The following STOX2 variants were observed in gnomAD, a reference collection of about 807,000 sequenced individuals.
The protein encoded by STOX2 is storkhead box 2.
Under a neutral mutation model 60.9 loss-of-function variants are expected in STOX2, and 28 were observed. The observed-to-expected ratio is 0.46, with a 90% CI of 0.34 to 0.63. STOX2 has a LOEUF of 0.63. STOX2 is among the 30% of genes least tolerant of loss of function. The pLI is 0.01. For synonymous variants in STOX2, 472 were observed against 463.9 expected (o/e 1.02, Z -0.22); for missense variants, 1,024 against 1,187.7 (o/e 0.86, Z 2.03).
intron 1 of STOX2, among the ~76,000 whole-genome samples, chr4:183,954,588 C>T (rs372446590): frequency 2.6e-5 from 4 of 151,718 alleles, no homozygotes; most frequent in South Asian, 2.1e-4. Context: ...ACGCCAAGCC[C>T]GCTTTTGTTT....
chr4:183,859,576 G>T (rs905323658), intron 1 of STOX2, among the ~76,000 whole-genome samples: 1 of 152,206 alleles, frequency 6.6e-6, no homozygotes, highest in African/African-American at 2.4e-5. Context: ...GCGGGGCCAG[G>T]GTATGAACAG....
At chr4:183,940,231 C>A (rs550838430) in intron 1 of STOX2, among the ~76,000 whole-genome samples, 2 of 152,050 alleles carry the variant, frequency 1.3e-5, no homozygotes. Context: ...GAAATCAAGA[C>A]GCCCGGGTTC....
chr4:183,825,407 G>C lies in STOX2; in HGVS notation c.364+27352G>C, dbSNP rs757499066. Among the ~76,000 whole-genome samples, 2 of 152,180 alleles carry C rather than the reference G, an allele frequency of 1.3e-5. No homozygotes were observed. The highest frequency in any genetic ancestry group is 2.9e-5 in the Non-Finnish European group (2 of 68,042). ...AGCTGGGCCATCCCTCGTGTGGCGC[G>C]TGCTGCAGATGGCAGCGGTCAGCTC... On this transcript the variant is annotated intron_variant, in intron 1 of 2. Coordinates refer to the STOX2 transcript ENST00000513034. The surrounding 1 kb of genome is among the most constrained non-coding windows in gnomAD (Gnocchi z 4.1).
intron 1 of STOX2, among the ~76,000 whole-genome samples, chr4:183,962,919 G>A (rs548842976): frequency 6.6e-6 from 1 of 152,274 alleles, no homozygotes; most frequent in East Asian, 1.9e-4. Context: ...TTATAAAAGG[G>A]GGGTTATTAA....
In STOX2 at chr4:184,001,698, C is replaced by T. The variant is rs1309850595; in HGVS notation, c.319+221C>T. 6.6e-6 allele frequency among the ~76,000 whole-genome samples: 1 copy of T among 151,778 alleles called. No homozygotes were observed. The highest frequency in any genetic ancestry group is 1.5e-5 in the Non-Finnish European group (1 of 67,970). On this transcript the variant is annotated intron_variant, in intron 2 of 3. Coordinates refer to ENST00000308497, the MANE Select transcript of STOX2 (RefSeq NM_020225.3). This position sits in a 1 kb window ranked among gnomAD's most constrained non-coding sequence, Gnocchi z 4.2. ...GCTGTAATACTTTTTAAATTGGCAC[C>T]GAGAGGAAGAAATTAATTCAGAATC...
chr4:183,811,042 C>A (rs943272693), intron 1 of STOX2, among the ~76,000 whole-genome samples: 1 of 151,964 alleles, frequency 6.6e-6, no homozygotes, highest in East Asian at 1.9e-4. Context: ...CTTGTCAAAC[C>A]GATTTAGTGC....
chr4:183,828,152 A>T (rs2111117685), intron 1 of STOX2, among the ~76,000 whole-genome samples: 1 of 152,296 alleles, frequency 6.6e-6, no homozygotes, highest in South Asian at 2.1e-4. Context: ...TATTCAGCAA[A>T]TGTTTATTGT....
intron 1 of STOX2, among the ~76,000 whole-genome samples, chr4:183,951,169 C>G (rs577274917): frequency 2.5e-4 from 38 of 149,346 alleles, no homozygotes; most frequent in African/African-American, 3.7e-4. Context: ...GAGCCGAGAT[C>G]GCGCCACTGC....
chr4:183,847,650 G>A (rs778371500), intron 1 of STOX2, among the ~76,000 whole-genome samples: 1 of 152,172 alleles, frequency 6.6e-6, no homozygotes, highest in African/African-American at 2.4e-5. Flanking sequence ...TGGATAGGAG[G>A]ATCCTGGGGC....
rs563733427 is a variant in STOX2, at chr4:183,882,554, T to G, written c.364+84499T>G. Among the ~76,000 whole-genome samples the G allele has an allele frequency of 2.6e-5, 4 of 152,332 alleles. No individual in the cohort carries two copies. The South Asian group carries it at 8.3e-4, about 32-fold the overall frequency. ...AACAAAGCCAAGCTTTTGGTCAATG[T>G]CAGATTAATATCTTTCTCCCAACAT... On this transcript the variant is annotated intron_variant, in intron 1 of 2. Coordinates refer to the STOX2 transcript ENST00000513034.
intron 1 of STOX2, among the ~76,000 whole-genome samples, chr4:183,943,712 A>C (rs999144710): frequency 6.6e-6 from 1 of 152,202 alleles, no homozygotes; most frequent in Non-Finnish European, 1.5e-5. Flanking sequence ...CCCCGTCTCT[A>C]CTAAAAATAC....
At chr4:183,854,011 C>T (rs1405730316) in intron 1 of STOX2, among the ~76,000 whole-genome samples, 1 of 152,214 alleles carries the variant, frequency 6.6e-6, no homozygotes, top group Non-Finnish European at 1.5e-5. Flanking sequence ...ATTTGCATGT[C>T]TCATGTGGGA....
At chr4:183,992,435 T>C (rs960394564) in intron 1 of STOX2, among the ~76,000 whole-genome samples, 2 of 152,210 alleles carry the variant, frequency 1.3e-5, no homozygotes, top group Non-Finnish European at 2.9e-5. Flanking sequence ...TTGGGAAATA[T>C]CATCAGTGGA....
chr4:183,960,946 G>T, intron 1 of STOX2, among the ~76,000 whole-genome samples: 1 of 152,316 alleles, frequency 6.6e-6, no homozygotes, highest in Non-Finnish European at 1.5e-5. Flanking sequence ...ATGGTGGTTT[G>T]TGAAACAAAT....
At chr4:183,831,892 C>A (rs115340296) in intron 1 of STOX2, among the ~76,000 whole-genome samples, 1,829 of 152,208 alleles carry the variant, frequency 0.012, 32 homozygotes, top group African/African-American at 0.042. Flanking sequence ...ACAGCTCTGC[C>A]CAATTTTTCC....
chr4:183,951,608 G>A (rs958186574), intron 1 of STOX2, among the ~76,000 whole-genome samples: 1 of 151,486 alleles, frequency 6.6e-6, no homozygotes, highest in Non-Finnish European at 1.5e-5. Flanking sequence ...GAGCCGCTGC[G>A]CTCGGCAAGG....
At chr4:183,890,536 A>AGGAGAGAGGGAGGGAGGGAG (rs1741184248) in intron 1 of STOX2, among the ~76,000 whole-genome samples, 3 of 122,524 alleles carry the variant, frequency 2.4e-5, no homozygotes, top group Non-Finnish European at 4.9e-5. Flanking sequence ...AAAGGAGGGA[A>AGGAGAGAGGGAGGGAGGGAG]GGAAGGAGAG....
chr4:183,800,300 A>G (rs751299807), intron 1 of STOX2, among the ~76,000 whole-genome samples: 4 of 152,128 alleles, frequency 2.6e-5, no homozygotes, highest in Non-Finnish European at 5.9e-5. Context: ...ACGTGATGAC[A>G]AGTTCAAATG....
chr4:183,867,990 AAGAAGCAAGTTAACATGT>A (rs1351474789), intron 1 of STOX2, among the ~76,000 whole-genome samples: 1 of 152,206 alleles, frequency 6.6e-6, no homozygotes, highest in East Asian at 1.9e-4. Context: ...TTGCATAATA[AAGAAGCAAGTTAACATGT>A]TGTGTCAACC....
Sources: gnomAD v4.1 joint callset for allele counts (sites outside exome capture counted in the v4.1 genomes callset) on GRCh38, gnomAD v4.1.1 for gene constraint, Gnocchi (gnomAD v3.1) non-coding constraint, MANE v1.5 for transcripts, NCBI Gene and HGNC (gene_info 2026-07-23, HGNC 2026-07-21) for gene names.